Variants in KLC1 observed in about 807,000 individuals in gnomAD.
KLC1 encodes kinesin light chain 1, also known as kinesin 2 60/70kDa.
In KLC1, 30 loss-of-function variants were observed where a neutral mutation model predicts 84.2. That is an observed-to-expected ratio of 0.36 (90% CI 0.27 to 0.48). The LOEUF (loss-of-function observed/expected upper bound fraction) is 0.48, where lower values mean the gene tolerates loss of function less well. Among genes scored for constraint, KLC1 ranks in the 20% least tolerant of loss-of-function variants. KLC1 has a pLI of 0.99. For synonymous variants in KLC1, 289 were observed against 293.3 expected, an observed-to-expected ratio of 0.99 and a Z score of 0.15; for missense variants, 499 against 805.4, an observed-to-expected ratio of 0.62 and a Z score of 4.60.
Position 103,693,671 on chromosome 14 carries a change from G to T in KLC1, c.1848+1246G>T, listed in dbSNP as rs2082249668. On this transcript the variant is annotated intron_variant, in intron 15 of 16. Transcript: ENST00000334553. This position sits in a 1 kb window ranked among gnomAD's most constrained non-coding sequence, Gnocchi z 5.1. ...TGGGAGTGTGAGACCGCCCCGCCCT[G>T]CCACGCCCCTCACCGCCCTGCCCGG... is the stretch of plus-strand genomic sequence containing the variant. 8.5e-6 allele frequency: 13 copies of T among 1,527,716 alleles called. No homozygotes were observed. The highest frequency in any genetic ancestry group is 9.6e-6 in the Non-Finnish European group (11 of 1,142,038). The allele number at this position is 1,527,716 out of a possible 1,614,324, so 94.6% of individuals were successfully genotyped here.
intron 11 of KLC1, among the ~76,000 whole-genome samples, chr14:103,676,100 A>G (rs1471837117): frequency 6.6e-6 from 1 of 151,706 alleles, no homozygotes; most frequent in Non-Finnish European, 1.5e-5. Flanking sequence ...ATCCACACAC[A>G]CTCCTTTTCC....
chr14:103,633,792 C>A (rs539276892), intron 1 of KLC1, among the ~76,000 whole-genome samples: 2 of 152,184 alleles, frequency 1.3e-5, no homozygotes, highest in Non-Finnish European at 2.9e-5. Flanking sequence ...CACTTCCCCA[C>A]ATACTCCTTA....
chr14:103,690,387 G>A (rs2082028145), intron 14 of KLC1, among the ~76,000 whole-genome samples: 1 of 152,214 alleles, frequency 6.6e-6, no homozygotes, highest in Admixed American at 6.5e-5. Flanking sequence ...TTGGGGGTGA[G>A]TTTTGCCTGG....
chr14:103,695,005 C>G (rs1434136277), intron 15 of KLC1: 8 of 985,316 alleles, frequency 8.1e-6, no homozygotes, highest in African/African-American at 1.7e-5. Context: ...GAGCTGCTCG[C>G]CTGTGGCCGT....
chr14:103,677,307 T>C (rs2080985688), intron 11 of KLC1, 108 bp from the exon 12 acceptor site: 1 of 739,572 alleles, frequency 1.4e-6, no homozygotes, highest in Non-Finnish European at 2.4e-6. Context: ...AGTTAAAATA[T>C]ATTCAAGCCA....
At chr14:103,675,958 G>A (rs190710447) in intron 11 of KLC1, among the ~76,000 whole-genome samples, 194 of 152,286 alleles carry the variant, frequency 1.3e-3, no homozygotes, top group South Asian at 2.3e-3. Context: ...ATCATGTTAG[G>A]TTGGTGCAAA....
intron 3 of KLC1, among the ~76,000 whole-genome samples, chr14:103,661,063 A>C (rs2079244758): frequency 6.6e-6 from 1 of 152,256 alleles, no homozygotes; most frequent in South Asian, 2.1e-4. Context: ...TTCTTCTGAA[A>C]CCTGTTCACA....
intron 1 of KLC1, among the ~76,000 whole-genome samples, chr14:103,636,835 G>T (rs2077080113): frequency 6.6e-6 from 1 of 151,822 alleles, no homozygotes; most frequent in Non-Finnish European, 1.5e-5. Context: ...CCATTCCCCT[G>T]CCTCAGCCTC....
At chr14:103,629,886 G>C (rs971316482) in intron 1 of KLC1, among the ~76,000 whole-genome samples, 3 of 152,052 alleles carry the variant, frequency 2.0e-5, no homozygotes, top group African/African-American at 7.2e-5. Context: ...TGTGGACCCC[G>C]GGAACCCGCG....
intron 1 of KLC1, among the ~76,000 whole-genome samples, chr14:103,651,747 T>C (rs759808678): frequency 1.2e-4 from 18 of 151,774 alleles, no homozygotes; most frequent in Non-Finnish European, 2.6e-4. Flanking sequence ...CCGTCACACC[T>C]CTGCCTCAGC....
chr14:103,667,912 C>T (rs916430693), intron 5 of KLC1, among the ~76,000 whole-genome samples: 1 of 152,202 alleles, frequency 6.6e-6, no homozygotes, highest in Non-Finnish European at 1.5e-5. Flanking sequence ...GAGTAGCACG[C>T]TTAAACTGAG....
At chr14:103,661,415 T>C (rs770711511) in intron 3 of KLC1, among the ~76,000 whole-genome samples, 1 of 152,202 alleles carries the variant, frequency 6.6e-6, no homozygotes, top group Non-Finnish European at 1.5e-5. Context: ...TTGTCCATCA[T>C]TCCTCAGTTG....
At chr14:103,675,843 T>TA (rs1329662307) in intron 11 of KLC1, 87 bp downstream of exon 11, 1 of 1,064,920 alleles carries the variant, frequency 9.4e-7, no homozygotes, top group Non-Finnish European at 1.4e-6. Flanking sequence ...AAATGACCAA[T>TA]GTGTAGTGTT....
chr14:103,664,673 C>G (rs2079595537), intron 5 of KLC1, among the ~76,000 whole-genome samples: 2 of 151,930 alleles, frequency 1.3e-5, no homozygotes, highest in Non-Finnish European at 2.9e-5. Flanking sequence ...CACCACTACA[C>G]CCAGCTAAAT....
chr14:103,658,428 GTTTTTTTTTTT>G (rs536826342), intron 3 of KLC1, among the ~76,000 whole-genome samples: 3 of 91,224 alleles, frequency 3.3e-5, no homozygotes, highest in South Asian at 7.9e-4. Context: ...GCCCAGCTAA[GTTTTTTTTTTT>G]TTTTTTTTTT....
At chr14:103,679,720 T>A in intron 13 of KLC1, 175 bp downstream of exon 13, 1 of 558,646 alleles carries the variant, frequency 1.8e-6, no homozygotes, top group Non-Finnish European at 3.2e-6. Flanking sequence ...TTGTTTAAAG[T>A]GGTAATTTTC....
intron 7 of KLC1, among the ~76,000 whole-genome samples, chr14:103,672,041 C>T (rs1166573759): frequency 2.6e-5 from 4 of 152,210 alleles, no homozygotes; most frequent in Admixed American, 6.5e-5. Context: ...ACACAGTCCA[C>T]TGGACAGACT....
intron 12 of KLC1, among the ~76,000 whole-genome samples, chr14:103,678,942 C>T (rs2081144317): frequency 6.6e-6 from 1 of 152,130 alleles, no homozygotes; most frequent in Non-Finnish European, 1.5e-5. Flanking sequence ...CTACCTCATC[C>T]CCACTAGACT....
At chr14:103,653,545 T>G (rs1252253339) in intron 1 of KLC1, among the ~76,000 whole-genome samples, 1 of 152,184 alleles carries the variant, frequency 6.6e-6, no homozygotes, top group Admixed American at 6.5e-5. Context: ...GGTTTTGAAC[T>G]CCTGCCATCA....
Sources: allele counts gnomAD v4.1 joint callset (sites outside exome capture counted in the v4.1 genomes callset), GRCh38; gene constraint gnomAD v4.1.1; non-coding constraint Gnocchi (gnomAD v3.1); transcripts MANE v1.5; gene names NCBI Gene and HGNC (gene_info 2026-07-23, HGNC 2026-07-21).